ASIC2: variants seen among roughly 807,000 people sequenced by gnomAD.
ASIC2 encodes acid-sensing ion channel 2.
A neutral mutation model predicts 57.3 loss-of-function variants in ASIC2; 25 were observed. The ratio of observed to expected loss-of-function variants is 0.44; its 90% CI spans 0.32 to 0.61. The LOEUF is 0.61. Among genes scored for constraint, ASIC2 ranks in the 20% least tolerant of loss-of-function variants. ASIC2 has a pLI of 0.06. For missense variants in ASIC2, 641 were observed against 738.1 expected (o/e 0.87, Z 1.52); for synonymous variants, 319 against 307.5 (o/e 1.04, Z -0.39).
intron 3 of ASIC2, among the ~76,000 whole-genome samples, chr17:33,062,181 G>A (rs1019457768): frequency 1.8e-4 from 27 of 151,924 alleles, no homozygotes; most frequent in Admixed American, 1.8e-3. Flanking sequence ...CTCTGATCTT[G>A]GTTGTTTCTT....
At chr17:34,116,415 C>T (rs1911425446) in intron 1 of ASIC2, among the ~76,000 whole-genome samples, 1 of 152,122 alleles carries the variant, frequency 6.6e-6, no homozygotes, top group Non-Finnish European at 1.5e-5. Context: ...TGTGAGTCTC[C>T]ATCCTCATTA....
At chr17:33,269,688 T>TCCCTCCC (rs1567805306) in intron 1 of ASIC2, among the ~76,000 whole-genome samples, 1 of 65,320 alleles carries the variant, frequency 1.5e-5, no homozygotes, top group African/African-American at 6.3e-5. Context: ...CCCTCCCTCC[T>TCCCTCCC]GCCTGCCTGC....
chr17:33,563,294 G>C (rs1192911857), intron 1 of ASIC2, among the ~76,000 whole-genome samples: 1 of 152,166 alleles, frequency 6.6e-6, no homozygotes, highest in East Asian at 1.9e-4. Flanking sequence ...AATCCAATCT[G>C]CTCAGCAGCC....
intron 1 of ASIC2, among the ~76,000 whole-genome samples, chr17:33,832,221 G>T (rs1913135867): frequency 6.6e-6 from 1 of 152,214 alleles, no homozygotes. Flanking sequence ...GGCCTAGATA[G>T]ACTAGCAAAG....
intron 1 of ASIC2, among the ~76,000 whole-genome samples, chr17:33,666,972 G>A (rs547719162): frequency 2.5e-4 from 38 of 152,230 alleles, no homozygotes; most frequent in South Asian, 8.3e-4. Flanking sequence ...ATTATTTGTC[G>A]TTTATCTGAT....
chr17:33,811,969 A>G (rs1314902177), intron 1 of ASIC2, among the ~76,000 whole-genome samples: 1 of 152,146 alleles, frequency 6.6e-6, no homozygotes, highest in African/African-American at 2.4e-5. Flanking sequence ...TGAAGCTGCT[A>G]TTACTACCTC....
At chr17:33,208,857 G>A (rs577166832) in intron 1 of ASIC2, among the ~76,000 whole-genome samples, 36 of 152,290 alleles carry the variant, frequency 2.4e-4, no homozygotes, top group Non-Finnish European at 4.0e-4. Context: ...AGATGACAGT[G>A]ATGGGCAGAG....
At chr17:33,715,131 C>T (rs1372699713) in intron 1 of ASIC2, among the ~76,000 whole-genome samples, 1 of 151,806 alleles carries the variant, frequency 6.6e-6, no homozygotes, top group Non-Finnish European at 1.5e-5. Context: ...TCCTGAGTAA[C>T]CAGGACTATA....
chr17:33,575,891 T>C (rs760015210), intron 1 of ASIC2, among the ~76,000 whole-genome samples: 1 of 152,208 alleles, frequency 6.6e-6, no homozygotes, highest in East Asian at 1.9e-4. Flanking sequence ...AGCTAATGGC[T>C]CTGCAGGCTT....
At chr17:33,817,018 A>G (rs1008766846) in intron 1 of ASIC2, among the ~76,000 whole-genome samples, 5 of 152,210 alleles carry the variant, frequency 3.3e-5, no homozygotes, top group African/African-American at 1.2e-4. Context: ...TGGCAGGCAC[A>G]TCTCACTGCT....
chr17:33,857,301 C>T (rs1324161358), intron 1 of ASIC2, among the ~76,000 whole-genome samples: 2 of 152,130 alleles, frequency 1.3e-5, no homozygotes, highest in African/African-American at 4.8e-5. Context: ...GTAGGAATAG[C>T]TCTCAATGTC....
intron 1 of ASIC2, among the ~76,000 whole-genome samples, chr17:33,832,412 A>G (rs563134005): frequency 1.3e-5 from 2 of 152,336 alleles, no homozygotes; most frequent in South Asian, 2.1e-4. Context: ...TCAATGTTAA[A>G]CACAAGCTTG....
At chr17:33,556,175 T>A (rs1915901173) in intron 1 of ASIC2, among the ~76,000 whole-genome samples, 1 of 152,190 alleles carries the variant, frequency 6.6e-6, no homozygotes, top group African/African-American at 2.4e-5. Flanking sequence ...TGTGGGTGCA[T>A]CATGGTGTTA....
intron 1 of ASIC2, among the ~76,000 whole-genome samples, chr17:33,695,206 T>A (rs184571574): frequency 3.2e-4 from 49 of 152,236 alleles, no homozygotes; most frequent in Admixed American, 3.0e-3. Flanking sequence ...GGCAGGGAGT[T>A]GGTAGATATC....
intron 1 of ASIC2, among the ~76,000 whole-genome samples, chr17:34,022,030 G>A (rs765717204): frequency 6.6e-6 from 1 of 151,892 alleles, no homozygotes; most frequent in Non-Finnish European, 1.5e-5. Flanking sequence ...GTAGAGACGG[G>A]GTTTCACCAT....
chr17:33,108,033 C>T (rs1007547604), intron 2 of ASIC2, among the ~76,000 whole-genome samples: 1 of 152,204 alleles, frequency 6.6e-6, no homozygotes, highest in African/African-American at 2.4e-5. Context: ...CATGATCACC[C>T]TCTCATTGCT....
chr17:33,138,857 C>T (rs1004805916), intron 1 of ASIC2, among the ~76,000 whole-genome samples: 4 of 152,162 alleles, frequency 2.6e-5, no homozygotes, highest in African/African-American at 4.8e-5. Context: ...TAACTGGCTG[C>T]CTTTTCTGTC....
intron 1 of ASIC2, among the ~76,000 whole-genome samples, chr17:33,202,017 C>CAAAAAAAAAAAAAAAAAAAAAAAAAAAAA (rs55724157): frequency 1.1e-5 from 1 of 92,290 alleles, no homozygotes; most frequent in Non-Finnish European, 2.2e-5. Context: ...GAGACTGTCT[C>CAAAAAAAAAAAAAAAAAAAAAAAAAAAAA]AAAAAAAAAA....
At chr17:33,273,743 A>T (rs1245880052) in intron 1 of ASIC2, among the ~76,000 whole-genome samples, 1 of 152,158 alleles carries the variant, frequency 6.6e-6, no homozygotes, top group South Asian at 2.1e-4. Flanking sequence ...AGGATTAAAC[A>T]ACTTGCCCAA....
Sources: gnomAD v4.1 joint callset for allele counts (sites outside exome capture counted in the v4.1 genomes callset) on GRCh38, gnomAD v4.1.1 for gene constraint, MANE v1.5 for transcripts, NCBI Gene and HGNC (gene_info 2026-07-23, HGNC 2026-07-21) for gene names.